The following CSPG5 variants were observed in gnomAD, a reference collection of about 807,000 sequenced individuals.
The protein encoded by CSPG5 is acidic leucine-rich EGF-like domain-containing brain protein.
Under a neutral mutation model 39.8 loss-of-function variants are expected in CSPG5, and 25 were observed. The ratio of observed to expected loss-of-function variants is 0.63; its 90% CI spans 0.46 to 0.88. CSPG5 has a LOEUF of 0.88. Ranked by LOEUF, CSPG5 falls within the 40% of genes least tolerant of loss-of-function variation. The pLI is 0.00. For synonymous variants in CSPG5, 295 were observed against 303.9 expected (o/e 0.97, Z 0.31); for missense variants, 627 against 702.2 (o/e 0.89, Z 1.21).
At chr3:47,573,367 G>T (rs1242550955) in intron 2 of CSPG5, among the ~76,000 whole-genome samples, 1 of 152,198 alleles carries the variant, frequency 6.6e-6, no homozygotes, top group African/African-American at 2.4e-5. Context: ...CCTAGTTCAC[G>T]TGGCTGAGAA....
rs775179910 is a variant in CSPG5, at chr3:47,572,785, G to A, written c.1283C>T (p.Ser428Leu). 4.3e-6 allele frequency: 7 copies of A among 1,614,154 alleles called. No homozygotes were observed. The highest frequency in any genetic ancestry group is 4.5e-5 in the East Asian group (2 of 44,882). The change falls in exon 3 of 5, where the codon TCG (serine) becomes TTG (leucine). Residue 428 changes from serine to leucine, a missense_variant. Ser to Leu is a moderately radical substitution (Grantham distance 145, BLOSUM62 -2). Transcript: ENST00000264723. The surrounding 1 kb of genome is among the most constrained non-coding windows in gnomAD (Gnocchi z 4.5). ...GAGCAGGAGCAGGACGAGGGCAGCC[G>A]AGCCCACGGCCACGCACATCACCTG... ...DFQVMCVAVGSAALVLLLLFM... is the reference protein window; with the variant it reads ...DFQVMCVAVGLAALVLLLLFM...
At chr3:47,567,699 G>T (rs527359807) in intron 4 of CSPG5, among the ~76,000 whole-genome samples, 5 of 152,120 alleles carry the variant, frequency 3.3e-5, no homozygotes, top group Admixed American at 3.3e-4. Flanking sequence ...CCCTTCTGGG[G>T]CTGCAATTTC....
chr3:47,563,008 T>G (rs1471711), intron 4 of CSPG5, among the ~76,000 whole-genome samples: 139,122 of 152,172 alleles, frequency 0.91, 64,881 homozygotes, highest in East Asian at 1. Flanking sequence ...CTTTAATTTG[T>G]GCCATGTCCA....
At position 47,577,303 on chromosome 3, in the gene CSPG5, A is replaced by G. The variant is rs1203625412; in HGVS notation, c.723T>C (p.Thr241=). 8 of 1,613,874 alleles carry G rather than the reference A, an allele frequency of 5.0e-6. No individual in the cohort carries two copies. Among genetic ancestry groups the G allele is most frequent in the Non-Finnish European group, 6.8e-6 (8 of 1,179,888 alleles). ...SPGTSENHPD[T]EGETPSWSLL... ...GGCTCCAGGAAGGGGTCTCTCCCTC[A>G]GTATCAGGGTGGTTCTCTGAGGTTC... Residue 241 remains threonine (T), a synonymous_variant, in exon 2 of 5, where the codon ACT becomes ACC. Coordinates refer to ENST00000264723, the MANE Select transcript of CSPG5 (RefSeq NM_006574.4). The surrounding 1 kb of genome is among the most constrained non-coding windows in gnomAD (Gnocchi z 4.7).
intron 3 of CSPG5, among the ~76,000 whole-genome samples, chr3:47,569,558 C>T (rs577367762): frequency 7.9e-5 from 12 of 151,324 alleles, no homozygotes; most frequent in African/African-American, 1.2e-4. Flanking sequence ...GAGCCAAGAT[C>T]GTGCCACTGC....
chr3:47,578,661 C>T lies in CSPG5; in HGVS notation c.33G>A (p.Arg11=). The change falls in exon 1 of 5, where the codon CGG becomes CGA. Residue 11 remains arginine (R), a synonymous_variant. Transcript: ENST00000264723. This position sits in a 1 kb window ranked among gnomAD's most constrained non-coding sequence, Gnocchi z 6.0. MGRAGGGGPG[R]GPPPLLLFLG... Reference sequence around the variant, plus strand: ...GAAACAGCAGCAGTGGCGGCGGCCCCCGGCCCGGGCCCCCGCCCCCGGCTC... The same window carrying T: ...GAAACAGCAGCAGTGGCGGCGGCCCTCGGCCCGGGCCCCCGCCCCCGGCTC... 4 of 1,110,372 alleles carry T rather than the reference C, an allele frequency of 3.6e-6. No individual in the cohort carries two copies. In the African/African-American group the frequency reaches 5.0e-5, roughly 14 times the overall value. The allele number at this position is 1,110,372 out of a possible 1,614,324, so 68.8% of individuals were successfully genotyped here.
Position 47,562,551 on chromosome 3 carries a change from T to TCCCCGGGCCCCCCC in CSPG5, c.*48_*49insGGGGGGGCCCGGGG. On this transcript the variant is annotated 3_prime_UTR_variant, in exon 5 of 5. Transcript: ENST00000264723. ...CTGTACAAGAGGAGATAATGTTTCT[T>TCCCCGGGCCCCCCC]CCCCTACCCCCCACCCACTACCCCC... 1 of 1,518,950 alleles carries TCCCCGGGCCCCCCC rather than the reference T, an allele frequency of 6.6e-7. No individual in the cohort carries two copies. The highest frequency in any genetic ancestry group is 9.1e-7 in the Non-Finnish European group (1 of 1,103,896). 94.1% of individuals were successfully genotyped at this position (1,518,950 alleles called of 1,614,324 possible).
chr3:47,563,055 C>T (rs1228224448), intron 4 of CSPG5, among the ~76,000 whole-genome samples: 3 of 152,180 alleles, frequency 2.0e-5, no homozygotes, highest in South Asian at 2.1e-4. Flanking sequence ...GAGAAAGAGT[C>T]CCTTGGCCCA....
rs1321154597 is a variant in CSPG5 at position 47,576,978 on chromosome 3, A to C, written c.1048T>G (p.Leu350Val). Residue 350 changes from leucine to valine, a missense_variant, in exon 2 of 5, where the codon TTG becomes GTG. By Grantham distance (32) the Leu-to-Val change is conservative. Transcript: ENST00000264723. ...TCAGTGCCATTTTCACTGGAGGCCA[A>C]GTCCCTGCCTGGCTCTCCTGGGCGG... is the stretch of plus-strand genomic sequence containing the variant. The part of the protein sequence containing the change: ...RPRPGEPGRD[L>V]ASSENGTECR... The C allele has an allele frequency of 1.9e-6, 3 of 1,613,818 alleles. No individual in the cohort carries two copies. The highest frequency in any genetic ancestry group is 2.2e-5 in the East Asian group (1 of 44,874).
intron 4 of CSPG5, among the ~76,000 whole-genome samples, chr3:47,567,343 A>G (rs927194265): frequency 6.6e-6 from 1 of 152,180 alleles, no homozygotes; most frequent in Non-Finnish European, 1.5e-5. Context: ...GCAAGTGGTA[A>G]CTGTGTGCAT....
At chr3:47,567,159 C>T (rs1347023769) in intron 4 of CSPG5, among the ~76,000 whole-genome samples, 1 of 152,126 alleles carries the variant, frequency 6.6e-6, no homozygotes, top group Non-Finnish European at 1.5e-5. Flanking sequence ...AGAAACTTTC[C>T]TAAGGATGCT....
chr3:47,568,706 C>T (rs2031402935), intron 4 of CSPG5, among the ~76,000 whole-genome samples: 1 of 152,126 alleles, frequency 6.6e-6, no homozygotes, highest in Non-Finnish European at 1.5e-5. Context: ...AGCTAAAAAT[C>T]ATGAGTAACC....
In CSPG5 at chr3:47,562,453, A is replaced by T; in HGVS notation, c.*147T>A. 1 of 832,466 alleles carries T rather than the reference A, an allele frequency of 1.2e-6. No homozygotes were observed. The highest frequency in any genetic ancestry group is 1.7e-5 in the African/African-American group (1 of 58,598). 51.6% of individuals were successfully genotyped at this position (832,466 alleles called of 1,614,324 possible). ...TTTTAAGTATTTTTTTGCCTCCTGT[A>T]CAAAATACATAAAAGCATGCCATGA... On this transcript the variant is annotated 3_prime_UTR_variant, in exon 5 of 5. Transcript: ENST00000264723.
chr3:47,574,934 G>A (rs1157879420), intron 2 of CSPG5, among the ~76,000 whole-genome samples: 1 of 151,996 alleles, frequency 6.6e-6, no homozygotes, highest in Non-Finnish European at 1.5e-5. Flanking sequence ...GTGAGACTCC[G>A]TCTCTAAAAA....
chr3:47,566,287 G>T (rs932841815), intron 4 of CSPG5, among the ~76,000 whole-genome samples: 2 of 152,104 alleles, frequency 1.3e-5, no homozygotes, highest in African/African-American at 4.8e-5. Context: ...GAGAGGGGTG[G>T]GGAGAAGCCA....
Position 47,569,132 on chromosome 3 carries a change from G to A in CSPG5, c.1458+20C>T, listed in dbSNP as rs772540948. On this transcript the variant is annotated intron_variant, in intron 4 of 4. Transcript: ENST00000264723. ...GGCATGGGGGGAGGAGGTACGGGGA[G>A]TGTTGCAAAGTTTCCTTACATTTGG... 6.2e-7 allele frequency: 1 copy of A among 1,605,752 alleles called. No homozygotes were observed. The highest frequency in any genetic ancestry group is 1.3e-5 in the African/African-American group (1 of 74,238).
intron 3 of CSPG5, among the ~76,000 whole-genome samples, chr3:47,570,360 T>C (rs951712601): frequency 6.6e-6 from 1 of 151,944 alleles, no homozygotes; most frequent in African/African-American, 2.4e-5. Context: ...TGCTTTGGCC[T>C]CCCAAAGTCT....
intron 3 of CSPG5, among the ~76,000 whole-genome samples, chr3:47,571,814 G>A (rs2031539777): frequency 6.6e-6 from 1 of 152,132 alleles, no homozygotes; most frequent in African/African-American, 2.4e-5. Flanking sequence ...TTGTCTCTGG[G>A]GTCCCAAGGA....
chr3:47,577,799 G>T lies in CSPG5; in HGVS notation c.227C>A (p.Thr76Lys), dbSNP rs2031824965. 8 of 1,583,244 alleles carry T rather than the reference G, an allele frequency of 5.1e-6. No individual in the cohort carries two copies. The East Asian group carries it at 1.8e-4, about 36-fold the overall frequency. Residue 76 changes from threonine to lysine, a missense_variant, in exon 2 of 5, where the codon ACG becomes AAG. By Grantham distance (78) the Thr-to-Lys change is moderately conservative (BLOSUM62 -1). Coordinates refer to ENST00000264723, the MANE Select transcript of CSPG5 (RefSeq NM_006574.4). This position sits in a 1 kb window ranked among gnomAD's most constrained non-coding sequence, Gnocchi z 4.7. ...CCCGGCCAGCTCGCCACCGGGCGCC[G>T]TCCACGACGCCTCATCTTCCCCAGC... ...PAAGEDEASWTAPGGELAGPE... is the reference protein window; with the variant it reads ...PAAGEDEASWKAPGGELAGPE...
Sources: allele counts gnomAD v4.1 joint callset (sites outside exome capture counted in the v4.1 genomes callset), GRCh38; gene constraint gnomAD v4.1.1; non-coding constraint Gnocchi (gnomAD v3.1); transcripts MANE v1.5; gene names NCBI Gene and HGNC (gene_info 2026-07-23, HGNC 2026-07-21).